The following BCR variants were observed in gnomAD, a reference collection of about 807,000 sequenced individuals.
The protein encoded by BCR is BCR activator of RhoGEF and GTPase.
Under a neutral mutation model 138.6 loss-of-function variants are expected in BCR, and 58 were observed. That is an observed-to-expected ratio of 0.42 (90% CI 0.34 to 0.52). The LOEUF (loss-of-function observed/expected upper bound fraction) is 0.52. BCR is among the 20% of genes least tolerant of loss of function. The probability of loss-of-function intolerance (pLI) is 0.06; values close to 1 mark genes in which losing one functional copy is unlikely to be tolerated. For synonymous variants in BCR, 786 were observed against 730.1 expected, an observed-to-expected ratio of 1.08 and a Z score of -1.23; for missense variants, 1,599 against 1,727.2, an observed-to-expected ratio of 0.93 and a Z score of 1.32.
At chr22:23,280,859 C>T (rs1243775266) in intron 8 of BCR, among the ~76,000 whole-genome samples, 1 of 152,246 alleles carries the variant, frequency 6.6e-6, no homozygotes, top group Admixed American at 6.5e-5. Context: ...GTCCCACTGC[C>T]CTGCCCCGCT....
chr22:23,201,444 A>C (rs2072552046), intron 1 of BCR, among the ~76,000 whole-genome samples: 1 of 140,644 alleles, frequency 7.1e-6, no homozygotes, highest in African/African-American at 2.8e-5. Context: ...TTCTCTTCTC[A>C]GTGAATCTGG....
chr22:23,203,682 G>A (rs1721097699), intron 1 of BCR, among the ~76,000 whole-genome samples: 1 of 152,166 alleles, frequency 6.6e-6, no homozygotes, highest in Admixed American at 6.5e-5. Context: ...TCAGCGCTGT[G>A]GTTCTTGGTA....
chr22:23,268,743 T>C (rs1176962804), intron 5 of BCR, among the ~76,000 whole-genome samples: 1 of 151,998 alleles, frequency 6.6e-6, no homozygotes, highest in Admixed American at 6.5e-5. Flanking sequence ...GGCCTGATTC[T>C]GGGGGTTGCC....
At chr22:23,210,607 AC>A (rs771095753) in intron 1 of BCR, among the ~76,000 whole-genome samples, 8 of 152,116 alleles carry the variant, frequency 5.3e-5, no homozygotes, top group Admixed American at 4.6e-4. Context: ...CAGGCCTATC[AC>A]CCCAGAAACT....
intron 4 of BCR, among the ~76,000 whole-genome samples, chr22:23,265,883 C>T (rs984064974): frequency 1.3e-5 from 2 of 152,210 alleles, no homozygotes; most frequent in South Asian, 2.1e-4. Context: ...GGAAATTTCA[C>T]ATTCATGAGA....
Position 23,261,540 on chromosome 22 carries a change from G to A in BCR, c.1752G>A (p.Leu584=), listed in dbSNP as rs142514342. The part of the protein sequence containing the change: ...QQRVGDLFQK[L]ASQLGVYRAF... Reference sequence around the variant, plus strand: ...GGGTGGGCGACCTCTTCCAGAAGCTGGTGAGTAACCCAGGGCCGGTGCTGG... The same window carrying A: ...GGGTGGGCGACCTCTTCCAGAAGCTAGTGAGTAACCCAGGGCCGGTGCTGG... The change falls in exon 4 of 23, where the codon CTG becomes CTA. Residue 584 remains leucine, a splice_region_variant and synonymous_variant. Coordinates refer to ENST00000305877, the MANE Select transcript of BCR (RefSeq NM_004327.4). The A allele has an allele frequency of 2.5e-4, 402 of 1,611,380 alleles. 2 individuals are homozygous for A. In the African/African-American group the frequency reaches 4.9e-3, roughly 20 times the overall value.
intron 1 of BCR, among the ~76,000 whole-genome samples, chr22:23,233,463 G>A (rs879556626): frequency 1.8e-4 from 27 of 152,278 alleles, no homozygotes; most frequent in African/African-American, 3.6e-4. Context: ...GTATATGCAC[G>A]TGGTGCACGC....
intron 16 of BCR, among the ~76,000 whole-genome samples, chr22:23,296,448 C>T (rs5759686): frequency 0.12 from 18,599 of 151,618 alleles, 1,471 homozygotes; most frequent in African/African-American, 0.22. Flanking sequence ...CCTGAGTCAC[C>T]TGTCATCTTT....
intron 2 of BCR, among the ~76,000 whole-genome samples, chr22:23,256,540 C>T (rs1368437748): frequency 1.3e-5 from 2 of 152,174 alleles, no homozygotes; most frequent in African/African-American, 4.8e-5. Flanking sequence ...GGACAATGTC[C>T]AGTCTGTTGG....
chr22:23,227,923 T>A (rs1853201273), intron 1 of BCR, among the ~76,000 whole-genome samples: 1 of 152,168 alleles, frequency 6.6e-6, no homozygotes, highest in Non-Finnish European at 1.5e-5. Flanking sequence ...CATGAATGGT[T>A]AGGGGTATGG....
At chr22:23,239,783 A>G (rs987171594) in intron 1 of BCR, among the ~76,000 whole-genome samples, 1 of 152,020 alleles carries the variant, frequency 6.6e-6, no homozygotes, top group South Asian at 2.1e-4. Context: ...TTCTCCCTAT[A>G]TGCCAGTCTG....
intron 16 of BCR, among the ~76,000 whole-genome samples, chr22:23,300,302 A>G (rs2073890081): frequency 6.6e-6 from 1 of 152,188 alleles, no homozygotes; most frequent in African/African-American, 2.4e-5. Flanking sequence ...GTGGAATCAT[A>G]CAGCATTTGT....
At chr22:23,290,447 G>T in intron 14 of BCR, 34 bp downstream of exon 14, 1 of 1,599,186 alleles carries the variant, frequency 6.3e-7, no homozygotes, top group East Asian at 2.2e-5. Context: ...GGTTGCAGCG[G>T]CCGAGCCAGG....
rs116247408 is a variant in BCR, at chr22:23,205,195, G to C, written c.1279+22956G>C. Among the ~76,000 whole-genome samples, 1,260 of 152,306 alleles carry C rather than the reference G, an allele frequency of 8.3e-3. 22 individuals carry two copies. Among genetic ancestry groups the C allele is most frequent in the African/African-American group, 0.029 (1,210 of 41,572 alleles). ...GCCAGTTGGAGTAGGGGCTGTCTTG[G>C]TACTGAGCTGGCCGGTGCTGGAGAT... On this transcript the variant is annotated intron_variant, in intron 1 of 22. Coordinates refer to ENST00000305877, the MANE Select transcript of BCR (RefSeq NM_004327.4).
At chr22:23,242,823 A>C (rs928005945) in intron 1 of BCR, 53 of 454,996 alleles carry the variant, frequency 1.2e-4, no homozygotes, top group African/African-American at 9.2e-4. Context: ...CCCAGTTCTG[A>C]AGACTGAAGT....
In BCR at chr22:23,292,457, C is replaced by T. The variant is rs116494823; in HGVS notation, c.2783-84C>T. The T allele has an allele frequency of 3.0e-3, 2,944 of 969,444 alleles. 10 individuals carry two copies. The highest frequency in any genetic ancestry group is 0.017 in the African/African-American group (1,017 of 59,362). 60.1% of individuals were successfully genotyped at this position (969,444 alleles called of 1,614,324 possible). A position where few individuals can be genotyped will look rare whatever the true frequency, so the allele number is the denominator to read the frequency against. Reference sequence around the variant, plus strand: ...TTTTTTATTTTTATTTTTTCTGATTCTGCAAATAACACCTGCTCTTACAGA... The same window carrying T: ...TTTTTTATTTTTATTTTTTCTGATTTTGCAAATAACACCTGCTCTTACAGA... On this transcript the variant is annotated intron_variant, in intron 14 of 22. Transcript: ENST00000305877.
chr22:23,237,893 G>A (rs1035900931), intron 1 of BCR, among the ~76,000 whole-genome samples: 1 of 152,236 alleles, frequency 6.6e-6, no homozygotes, highest in Non-Finnish European at 1.5e-5. Context: ...GCAAGAGGAG[G>A]TCATAAGGTT....
intron 1 of BCR, among the ~76,000 whole-genome samples, chr22:23,189,083 C>G (rs983316902): frequency 4.6e-5 from 7 of 152,102 alleles, no homozygotes; most frequent in Non-Finnish European, 1.0e-4. Flanking sequence ...TGGTCTTGAA[C>G]TCCTGACCTC....
intron 8 of BCR, among the ~76,000 whole-genome samples, chr22:23,281,060 G>A (rs376429051): frequency 6.6e-6 from 1 of 152,210 alleles, no homozygotes; most frequent in Non-Finnish European, 1.5e-5. Context: ...ACGAGGGCAC[G>A]CTCAGGCACT....
Sources: gnomAD v4.1 joint callset for allele counts (sites outside exome capture counted in the v4.1 genomes callset) on GRCh38, gnomAD v4.1.1 for gene constraint, MANE v1.5 for transcripts, NCBI Gene and HGNC (gene_info 2026-07-23, HGNC 2026-07-21) for gene names.